Variants in SMG6 observed in about 807,000 individuals in gnomAD.
SMG6 encodes the protein telomerase-binding protein EST1A.
SMG6 carries 66 observed loss-of-function variants against 142.2 expected under a neutral mutation model. The observed-to-expected ratio is 0.46, with a 90% CI of 0.38 to 0.57. The LOEUF is 0.57. Among genes scored for constraint, SMG6 ranks in the 20% least tolerant of loss-of-function variants. The probability of loss-of-function intolerance (pLI) is 0.00; values close to 1 mark genes in which losing one functional copy is unlikely to be tolerated. For missense variants in SMG6, 1,793 were observed against 1,832.0 expected (o/e 0.98, Z 0.39); for synonymous variants, 779 against 702.4 (o/e 1.11, Z -1.72).
rs571815702 is a variant in SMG6 at position 2,269,216 on chromosome 17, T to C, written c.2661+13431A>G. On this transcript the variant is annotated intron_variant, in intron 8 of 18. Transcript: ENST00000263073. ...GCCTGGGCGACAGAGCCAGACTCCATCTCAAAAAAAAAAAAAAAAAAAAAA... is the reference window on the plus strand; with the variant it reads ...GCCTGGGCGACAGAGCCAGACTCCACCTCAAAAAAAAAAAAAAAAAAAAAA... 4.2e-5 allele frequency among the ~76,000 whole-genome samples: 3 copies of C among 72,110 alleles called. No homozygotes were observed. The South Asian group carries it at 1.5e-3, about 35-fold the overall frequency. The allele number at this position is 72,110 out of a possible 152,430, so 47.3% of individuals were successfully genotyped here. A position where few individuals can be genotyped will look rare whatever the true frequency, so the allele number is the denominator to read the frequency against.
At position 2,301,875 on chromosome 17, in the gene SMG6, C is replaced by G. The variant is rs188798061; in HGVS notation, c.89-1211G>C. Among the ~76,000 whole-genome samples, 278 of 152,222 alleles carry G rather than the reference C, an allele frequency of 1.8e-3. 1 individual carries two copies. Among genetic ancestry groups the G allele is most frequent in the African/African-American group, 6.5e-3 (270 of 41,524 alleles). ...TTAAAAAAGTATCTGTTACCGTTAT[C>G]AAAAGTAACCACTAAACATTACAAT... On this transcript the variant is annotated intron_variant, in intron 1 of 18. Coordinates refer to ENST00000263073, the MANE Select transcript of SMG6 (RefSeq NM_017575.5).
intron 15 of SMG6, among the ~76,000 whole-genome samples, chr17:2,075,329 CA>C (rs1260784001): frequency 3.9e-5 from 6 of 152,034 alleles, no homozygotes; most frequent in Non-Finnish European, 7.4e-5. Flanking sequence ...GGGAAAGGGA[CA>C]GGGGAGAGAA....
intron 8 of SMG6, among the ~76,000 whole-genome samples, chr17:2,256,867 G>T (rs2074193129): frequency 6.6e-6 from 1 of 152,218 alleles, no homozygotes. Context: ...GATGAATGTT[G>T]TAGGGAAAGA....
chr17:2,245,710 T>G (rs960239122), intron 8 of SMG6, among the ~76,000 whole-genome samples: 2 of 152,148 alleles, frequency 1.3e-5, no homozygotes, highest in African/African-American at 4.8e-5. Flanking sequence ...AGACAGGGTC[T>G]CACTCTGTCG....
intron 10 of SMG6, among the ~76,000 whole-genome samples, chr17:2,194,228 G>A (rs1294467929): frequency 6.6e-6 from 1 of 152,212 alleles, no homozygotes; most frequent in Admixed American, 6.5e-5. Flanking sequence ...AAAGTATAGG[G>A]CCTGCAATGC....
intron 12 of SMG6, among the ~76,000 whole-genome samples, chr17:2,183,583 G>A (rs1277834088): frequency 6.6e-6 from 1 of 152,110 alleles, no homozygotes; most frequent in Non-Finnish European, 1.5e-5. Flanking sequence ...AGTAAGCATG[G>A]TTATATTCCA....
At position 2,297,265 on chromosome 17, in the gene SMG6, C is replaced by T. The variant is rs148827329; in HGVS notation, c.2129G>A (p.Arg710His). The change falls in exon 4 of 19, where the codon CGC becomes CAC. Residue 710 changes from arginine to histidine, a missense_variant. Physicochemically the swap from Arg to His is conservative, Grantham distance 29. This residue lies in a region of SMG6 where 1,597 missense variants were observed against 1,584.6 expected (regional missense o/e 1.01). Transcript: ENST00000263073. ...LEDYMDGLAI[R>H]SKPLRKTVKY... The stretch of plus-strand genomic sequence containing the variant: ...TACTGTCTTGCGTAATGGCTTGCTG[C>T]GAATGGCAAGACCATCCATGTAGTC... 5.6e-6 allele frequency: 9 copies of T among 1,606,272 alleles called. No homozygotes were observed. In the African/African-American group the frequency reaches 1.1e-4, roughly 19 times the overall value.
At chr17:2,099,822 T>A (rs1007602024) in intron 13 of SMG6, among the ~76,000 whole-genome samples, 1 of 152,196 alleles carries the variant, frequency 6.6e-6, no homozygotes, top group Non-Finnish European at 1.5e-5. Context: ...ACCAACTGTA[T>A]CACAATCACA....
chr17:2,204,074 CCACCT>C (rs1256748229), intron 10 of SMG6, among the ~76,000 whole-genome samples: 2 of 152,128 alleles, frequency 1.3e-5, no homozygotes, highest in South Asian at 4.1e-4. Context: ...AGCAATCCTC[CCACCT>C]CAGCCTCTGA....
rs145906388 is a variant in SMG6 at position 2,111,557 on chromosome 17, G to A, written c.3358-25656C>T. Among the ~76,000 whole-genome samples the A allele has an allele frequency of 3.3e-3, 508 of 152,134 alleles. 6 individuals carry two copies. The highest frequency in any genetic ancestry group is 9.9e-3 in the African/African-American group (409 of 41,508). Reference sequence around the variant, plus strand: ...CTCCCAAGTAGCTGGGACCACAGGCGCCTGCCACCACGCCTGGCTAATTTT... The same window carrying A: ...CTCCCAAGTAGCTGGGACCACAGGCACCTGCCACCACGCCTGGCTAATTTT... On this transcript the variant is annotated intron_variant, in intron 13 of 18. Coordinates refer to ENST00000263073, the MANE Select transcript of SMG6 (RefSeq NM_017575.5).
At chr17:2,080,738 C>T (rs888998500) in intron 15 of SMG6, among the ~76,000 whole-genome samples, 8 of 151,818 alleles carry the variant, frequency 5.3e-5, no homozygotes, top group East Asian at 3.9e-4. Context: ...CGGGTTCAAG[C>T]GATTCTCTTG....
intron 6 of SMG6, among the ~76,000 whole-genome samples, chr17:2,291,223 C>G (rs984191970): frequency 6.6e-6 from 1 of 151,726 alleles, no homozygotes; most frequent in Non-Finnish European, 1.5e-5. Context: ...CCCAGCTACT[C>G]GGGAGGCTGA....
chr17:2,082,083 C>T, intron 14 of SMG6, 127 bp from the exon 15 acceptor site: 1 of 954,264 alleles, frequency 1.0e-6, no homozygotes. Flanking sequence ...TGCAAAGGGT[C>T]CCCTGGTGTG....
In SMG6 at chr17:2,085,285, G is replaced by A. The variant is rs890432722; in HGVS notation, c.3534+440C>T. 6.9e-6 allele frequency among the ~76,000 whole-genome samples: 1 copy of A among 144,454 alleles called. No homozygotes were observed. The highest frequency in any genetic ancestry group is 1.5e-5 in the Non-Finnish European group (1 of 65,718). 94.8% of individuals were successfully genotyped at this position (144,454 alleles called of 152,430 possible). On this transcript the variant is annotated intron_variant, in intron 14 of 18. Coordinates refer to ENST00000263073, the MANE Select transcript of SMG6 (RefSeq NM_017575.5). The surrounding 1 kb of genome is among the most constrained non-coding windows in gnomAD (Gnocchi z 4.1). ...GGAGGGAGGGAGGGAACAAGGGAGG[G>A]AGGGTAGGGCAGGGGAGGGGTGATT...
chr17:2,091,826 A>G (rs958182289), intron 13 of SMG6, among the ~76,000 whole-genome samples: 28 of 139,876 alleles, frequency 2.0e-4, no homozygotes, highest in African/African-American at 6.9e-4. Flanking sequence ...ACCCGCCACC[A>G]CGCCCAGCTA....
chr17:2,082,767 C>T (rs2068459168), intron 14 of SMG6, among the ~76,000 whole-genome samples: 1 of 152,206 alleles, frequency 6.6e-6, no homozygotes, highest in Non-Finnish European at 1.5e-5. Flanking sequence ...CATGCAGCTG[C>T]CCAAGATAGC....
chr17:2,140,536 G>GT, intron 13 of SMG6, among the ~76,000 whole-genome samples: 1 of 152,028 alleles, frequency 6.6e-6, no homozygotes, highest in Non-Finnish European at 1.5e-5. Context: ...GCCGGGTGTG[G>GT]TAGCACGCAC....
At chr17:2,247,613 C>A (rs1171615628) in intron 8 of SMG6, among the ~76,000 whole-genome samples, 1 of 151,934 alleles carries the variant, frequency 6.6e-6, no homozygotes, top group Admixed American at 6.6e-5. Flanking sequence ...CATGTTGAAA[C>A]CCTGTCTCTA....
chr17:2,296,302 T>C (rs570798457), intron 4 of SMG6, among the ~76,000 whole-genome samples: 93 of 152,342 alleles, frequency 6.1e-4, no homozygotes, highest in Non-Finnish European at 1.2e-3. Flanking sequence ...TCTCTTTTGC[T>C]GGACCCTCTA....
Sources: gnomAD v4.1 joint callset for allele counts (sites outside exome capture counted in the v4.1 genomes callset) on GRCh38, gnomAD v4.1.1 for gene constraint, gnomAD v4.1.1 regional missense constraint, Gnocchi (gnomAD v3.1) non-coding constraint, MANE v1.5 for transcripts, NCBI Gene and HGNC (gene_info 2026-07-23, HGNC 2026-07-21) for gene names.